Variants in OPCML observed in about 807,000 individuals in gnomAD.
The protein encoded by OPCML is opioid-binding protein/cell adhesion molecule.
Under a neutral mutation model 37.8 loss-of-function variants are expected in OPCML, and 13 were observed. That is an observed-to-expected ratio of 0.34 (90% CI 0.22 to 0.55). The LOEUF is 0.55. Ranked by LOEUF, OPCML falls within the 20% of genes least tolerant of loss-of-function variation. OPCML has a pLI of 0.91. For synonymous variants in OPCML, 176 were observed against 168.8 expected, an observed-to-expected ratio of 1.04 and a Z score of -0.33; for missense variants, 341 against 435.6, an observed-to-expected ratio of 0.78 and a Z score of 1.93.
chr11:132,825,003 C>A (rs1021561630), intron 2 of OPCML, among the ~76,000 whole-genome samples: 17 of 152,194 alleles, frequency 1.1e-4, no homozygotes, highest in African/African-American at 4.1e-4. Context: ...GATACACAAG[C>A]AAAAGGGGCA....
chr11:133,358,648 G>A (rs1302228823), intron 1 of OPCML, among the ~76,000 whole-genome samples: 1 of 152,228 alleles, frequency 6.6e-6, no homozygotes, highest in Non-Finnish European at 1.5e-5. Context: ...GTGGCTCACA[G>A]TGTAATTGAG....
At chr11:133,410,801 G>A (rs1057372601) in intron 1 of OPCML, among the ~76,000 whole-genome samples, 18 of 152,102 alleles carry the variant, frequency 1.2e-4, no homozygotes, top group African/African-American at 3.4e-4. Context: ...ATCACTTGAC[G>A]ACATGTTGTA....
At chr11:132,488,261 A>G (rs952397906) in intron 4 of OPCML, among the ~76,000 whole-genome samples, 3 of 152,244 alleles carry the variant, frequency 2.0e-5, no homozygotes, top group Non-Finnish European at 4.4e-5. Flanking sequence ...CTGAAATACC[A>G]TACTACAGTA....
intron 3 of OPCML, among the ~76,000 whole-genome samples, chr11:132,597,845 C>A (rs567792778): frequency 6.6e-6 from 1 of 152,148 alleles, no homozygotes; most frequent in Non-Finnish European, 1.5e-5. Context: ...TGTATGTATG[C>A]GTGTTGTTTA....
At chr11:133,230,380 C>G (rs186419992) in intron 1 of OPCML, among the ~76,000 whole-genome samples, 1 of 151,206 alleles carries the variant, frequency 6.6e-6, no homozygotes, top group Non-Finnish European at 1.5e-5. Context: ...CTCCTATGGT[C>G]AAGGCGAGGT....
chr11:132,805,030 A>C (rs1348654208), intron 2 of OPCML, among the ~76,000 whole-genome samples: 1 of 152,214 alleles, frequency 6.6e-6, no homozygotes, highest in Non-Finnish European at 1.5e-5. Context: ...TCACAAAATT[A>C]TAGGAAAATA....
chr11:132,688,387 C>T (rs1943254777), intron 2 of OPCML, among the ~76,000 whole-genome samples: 1 of 151,992 alleles, frequency 6.6e-6, no homozygotes, highest in Admixed American at 6.6e-5. Flanking sequence ...TAGTCCTGAC[C>T]GACACTAGCT....
At chr11:133,329,252 T>C (rs1020316469) in intron 1 of OPCML, among the ~76,000 whole-genome samples, 2 of 152,202 alleles carry the variant, frequency 1.3e-5, no homozygotes, top group Non-Finnish European at 2.9e-5. Flanking sequence ...AGAATGGCCA[T>C]ACTGCCCAAG....
chr11:132,484,706 G>A (rs2096193614), intron 4 of OPCML, among the ~76,000 whole-genome samples: 1 of 152,036 alleles, frequency 6.6e-6, no homozygotes, highest in Non-Finnish European at 1.5e-5. Context: ...AAGAAAATGT[G>A]GCACATATAC....
At chr11:132,797,328 C>T (rs1338896812) in intron 2 of OPCML, among the ~76,000 whole-genome samples, 2 of 152,204 alleles carry the variant, frequency 1.3e-5, no homozygotes, top group Admixed American at 1.3e-4. Flanking sequence ...ATGTGCATAT[C>T]CATTTGTCCC....
intron 1 of OPCML, among the ~76,000 whole-genome samples, chr11:133,510,167 G>A (rs1948124096): frequency 6.6e-6 from 1 of 152,194 alleles, no homozygotes; most frequent in African/African-American, 2.4e-5. Flanking sequence ...AATGAGCAGT[G>A]CCCAGGCTGC....
chr11:132,655,640 G>A (rs1941667658), intron 3 of OPCML, among the ~76,000 whole-genome samples: 1 of 152,216 alleles, frequency 6.6e-6, no homozygotes, highest in Non-Finnish European at 1.5e-5. Context: ...CAAAGCTTCA[G>A]GCAGCATGGC....
At chr11:132,691,287 C>T (rs974100059) in intron 2 of OPCML, among the ~76,000 whole-genome samples, 1 of 152,226 alleles carries the variant, frequency 6.6e-6, no homozygotes, top group African/African-American at 2.4e-5. Context: ...TACCTCCTGA[C>T]CTCCCATTGC....
At chr11:133,484,046 ATAGATAG>A (rs1257014605) in intron 1 of OPCML, among the ~76,000 whole-genome samples, 1 of 139,788 alleles carries the variant, frequency 7.2e-6, no homozygotes, top group Non-Finnish European at 1.6e-5. Flanking sequence ...AGATAGATAG[ATAGATAG>A]ATAGATAGAT....
At chr11:133,289,942 C>G (rs956601060) in intron 1 of OPCML, among the ~76,000 whole-genome samples, 1 of 152,196 alleles carries the variant, frequency 6.6e-6, no homozygotes, top group African/African-American at 2.4e-5. Flanking sequence ...ACCCGGCCAT[C>G]TAATCACTGT....
chr11:133,507,194 A>G (rs1948052342), intron 1 of OPCML, among the ~76,000 whole-genome samples: 2 of 152,294 alleles, frequency 1.3e-5, no homozygotes, highest in South Asian at 4.1e-4. Flanking sequence ...CTTCGTGAAG[A>G]GGGCCCCAGC....
intron 1 of OPCML, chr11:133,422,434 A>G: frequency 1.0e-6 from 1 of 970,524 alleles, no homozygotes; most frequent in African/African-American, 2.0e-5. Context: ...CCACCTCTCT[A>G]TCATTGTGGA....
intron 3 of OPCML, among the ~76,000 whole-genome samples, chr11:132,611,221 T>C (rs996800770): frequency 1.3e-5 from 2 of 152,170 alleles, no homozygotes; most frequent in African/African-American, 4.8e-5. Flanking sequence ...AATGAGTAAC[T>C]TGGTCCCTAG....
At chr11:133,009,718 C>T (rs762381792) in intron 1 of OPCML, among the ~76,000 whole-genome samples, 11 of 152,152 alleles carry the variant, frequency 7.2e-5, no homozygotes, top group Admixed American at 2.0e-4. Flanking sequence ...CCCTCACATG[C>T]GTAATTCACA....
Sources: gnomAD v4.1 joint callset for allele counts (sites outside exome capture counted in the v4.1 genomes callset) on GRCh38, gnomAD v4.1.1 for gene constraint, MANE v1.5 for transcripts, NCBI Gene and HGNC (gene_info 2026-07-23, HGNC 2026-07-21) for gene names.